CACNA2D3: variants seen among roughly 807,000 people sequenced by gnomAD.
CACNA2D3 encodes calcium voltage-gated channel auxiliary subunit alpha2delta 3, also known as voltage-dependent calcium channel subunit alpha-2/delta-3.
In CACNA2D3, 60 loss-of-function variants were observed where a neutral mutation model predicts 160.6. The observed-to-expected ratio is 0.37, with a 90% CI of 0.30 to 0.46. The LOEUF is 0.46. Among genes scored for constraint, CACNA2D3 ranks in the 20% least tolerant of loss-of-function variants. CACNA2D3 has a pLI of 1.00. For missense variants in CACNA2D3, 1,205 were observed against 1,365.0 expected (o/e 0.88, Z 1.85); for synonymous variants, 558 against 492.9 (o/e 1.13, Z -1.75).
chr3:54,754,036 T>A (rs1701923087), intron 12 of CACNA2D3, among the ~76,000 whole-genome samples: 1 of 152,220 alleles, frequency 6.6e-6, no homozygotes, highest in Admixed American at 6.5e-5. Flanking sequence ...AACGAAATGG[T>A]GCATATTAAG....
intron 11 of CACNA2D3, among the ~76,000 whole-genome samples, chr3:54,668,001 A>G (rs891494651): frequency 6.6e-6 from 1 of 152,120 alleles, no homozygotes; most frequent in Non-Finnish European, 1.5e-5. Context: ...TTATATCAAC[A>G]TGAAATGGCA....
intron 5 of CACNA2D3, among the ~76,000 whole-genome samples, chr3:54,552,862 T>C (rs776053834): frequency 6.6e-6 from 1 of 152,224 alleles, no homozygotes; most frequent in Non-Finnish European, 1.5e-5. Context: ...AATTGATATA[T>C]TTATGGCAAA....
intron 29 of CACNA2D3, among the ~76,000 whole-genome samples, chr3:54,975,570 A>AATG (rs1702372587): frequency 6.6e-6 from 1 of 151,424 alleles, no homozygotes; most frequent in Non-Finnish European, 1.5e-5. Flanking sequence ...CTTTGGTGGA[A>AATG]ATGGAAGCTT....
chr3:54,451,229 C>CTTTTTT lies in CACNA2D3; in HGVS notation c.382-52236_382-52231dup, dbSNP rs71074970. ...TGTCCCTTTCTGCTGATATAATAAT[C>CTTTTTT]TTTTTTTTTTTTTTTTTTTTTTTTT... On this transcript the variant is annotated intron_variant, in intron 4 of 37. Transcript: ENST00000474759. 9.2e-3 allele frequency among the ~76,000 whole-genome samples: 477 copies of CTTTTTT among 51,746 alleles called. 140 individuals carry two copies. Among genetic ancestry groups the CTTTTTT allele is most frequent in the South Asian group, 0.014 (11 of 784 alleles). 33.9% of individuals were successfully genotyped at this position (51,746 alleles called of 152,430 possible).
intron 9 of CACNA2D3, chr3:54,626,172 C>T: frequency 2.8e-6 from 2 of 702,642 alleles, no homozygotes; most frequent in Admixed American, 2.2e-5. Context: ...ACGATAACTG[C>T]GCAGGCGCGG....
At chr3:54,638,127 G>A (rs1699419628) in intron 10 of CACNA2D3, 1 of 151,914 alleles carries the variant, frequency 6.6e-6, no homozygotes, top group South Asian at 2.1e-4. Context: ...GGGGTTTGAG[G>A]GCCAGATTCC....
intron 11 of CACNA2D3, among the ~76,000 whole-genome samples, chr3:54,726,488 A>G (rs1009474725): frequency 3.3e-5 from 5 of 152,230 alleles, no homozygotes; most frequent in African/African-American, 1.2e-4. Flanking sequence ...GGCTGGAGGC[A>G]TCACACTACC....
At chr3:54,376,237 G>A (rs1263148075) in intron 3 of CACNA2D3, among the ~76,000 whole-genome samples, 1 of 140,734 alleles carries the variant, frequency 7.1e-6, no homozygotes, top group African/African-American at 2.6e-5. Context: ...GAGAGACTAG[G>A]CAGAGGGAGG....
intron 5 of CACNA2D3, 23 bp downstream of exon 5, chr3:54,503,677 CT>C (rs1231913259): frequency 9.9e-6 from 16 of 1,608,462 alleles, no homozygotes; most frequent in African/African-American, 2.7e-5. Context: ...GCCACTGCTC[CT>C]TTTAGAAGGT....
At chr3:54,886,167 A>T (rs1291562830) in intron 23 of CACNA2D3, among the ~76,000 whole-genome samples, 1 of 151,920 alleles carries the variant, frequency 6.6e-6, no homozygotes, top group Non-Finnish European at 1.5e-5. Context: ...ATACTCTCAC[A>T]GTTTGGGCAG....
intron 15 of CACNA2D3, among the ~76,000 whole-genome samples, chr3:54,837,970 A>T (rs959004200): frequency 2.6e-5 from 4 of 152,058 alleles, no homozygotes; most frequent in African/African-American, 9.7e-5. Flanking sequence ...ACACTGTTCA[A>T]CTCACCATAA....
chr3:54,788,294 A>G (rs867544302), intron 13 of CACNA2D3, among the ~76,000 whole-genome samples: 1 of 152,150 alleles, frequency 6.6e-6, no homozygotes, highest in Non-Finnish European at 1.5e-5. Context: ...TGAGGTGAAC[A>G]TGTTTGGCTG....
At chr3:55,019,563 T>G (rs925726121) in intron 35 of CACNA2D3, among the ~76,000 whole-genome samples, 4 of 152,164 alleles carry the variant, frequency 2.6e-5, no homozygotes, top group African/African-American at 9.6e-5. Flanking sequence ...TTTTCTAATT[T>G]GAAATAACTA....
intron 2 of CACNA2D3, among the ~76,000 whole-genome samples, chr3:54,200,149 C>G (rs989566099): frequency 2.0e-5 from 3 of 152,188 alleles, no homozygotes; most frequent in Non-Finnish European, 4.4e-5. Context: ...TGGCTGAAGT[C>G]TGGAAAATTC....
chr3:54,453,372 A>T (rs868629123), intron 4 of CACNA2D3, among the ~76,000 whole-genome samples: 1 of 152,194 alleles, frequency 6.6e-6, no homozygotes. Context: ...GACTTTTTAC[A>T]TCTGCAGAGA....
intron 11 of CACNA2D3, among the ~76,000 whole-genome samples, chr3:54,650,426 T>C (rs13060843): frequency 0.15 from 23,117 of 152,066 alleles, 1,960 homozygotes; most frequent in South Asian, 0.27. Context: ...TAGTGGTGCA[T>C]GTTCTTGACT....
At chr3:54,192,473 C>T (rs1205883180) in intron 2 of CACNA2D3, among the ~76,000 whole-genome samples, 1 of 152,150 alleles carries the variant, frequency 6.6e-6, no homozygotes, top group Admixed American at 6.5e-5. Flanking sequence ...GCCAAACAGA[C>T]CCTTGGGTTA....
chr3:54,896,803 T>C lies in CACNA2D3; in HGVS notation c.2301T>C (p.Pro767=). 6.2e-7 allele frequency: 1 copy of C among 1,614,014 alleles called. No homozygotes were observed. The highest frequency in any genetic ancestry group is 8.5e-7 in the Non-Finnish European group (1 of 1,179,892). The change falls in exon 26 of 38, where the codon CCT becomes CCC. Residue 767 remains proline (P), a synonymous_variant. Coordinates refer to ENST00000474759, the MANE Select transcript of CACNA2D3 (RefSeq NM_018398.3). The part of the protein sequence containing the change: ...KENIFNADHF[P]LWYRRAAEQI... ...ACATTTTTAACGCAGACCATTTCCC[T>C]CTCTGGTACCGAAGAGCCGCTGAGC... is the stretch of plus-strand genomic sequence containing the variant.
chr3:54,888,600 G>A (rs1291986654), intron 24 of CACNA2D3, among the ~76,000 whole-genome samples: 1 of 152,106 alleles, frequency 6.6e-6, no homozygotes. Flanking sequence ...GACTATTAAA[G>A]ATTAAAAAGA....
Sources: gnomAD v4.1 joint callset for allele counts (sites outside exome capture counted in the v4.1 genomes callset) on GRCh38, gnomAD v4.1.1 for gene constraint, MANE v1.5 for transcripts, NCBI Gene and HGNC (gene_info 2026-07-23, HGNC 2026-07-21) for gene names.